C13orf42: variants seen among roughly 807,000 people sequenced by gnomAD.
The protein encoded by C13orf42 is uncharacterized protein C13orf42.
intron 1 of C13orf42, among the ~76,000 whole-genome samples, chr13:51,091,447 T>C (rs570365870): frequency 3.9e-5 from 6 of 152,268 alleles, no homozygotes; most frequent in African/African-American, 1.4e-4. Flanking sequence ...TGTAAGTGAA[T>C]AAACAAATTG....
chr13:51,168,641 A>G (rs1373540653), intron 1 of C13orf42, among the ~76,000 whole-genome samples: 2 of 152,226 alleles, frequency 1.3e-5, no homozygotes, highest in African/African-American at 2.4e-5. Flanking sequence ...CACCAATGAC[A>G]TGAAGCCATC....
chr13:51,118,921 G>C (rs1024053110), intron 1 of C13orf42, among the ~76,000 whole-genome samples: 1 of 152,032 alleles, frequency 6.6e-6, no homozygotes, highest in Non-Finnish European at 1.5e-5. Context: ...CAGGTGTACT[G>C]TGTGCCCAAG....
At chr13:51,142,760 T>C (rs1205609968) in intron 1 of C13orf42, among the ~76,000 whole-genome samples, 1 of 151,708 alleles carries the variant, frequency 6.6e-6, no homozygotes, top group Non-Finnish European at 1.5e-5. Flanking sequence ...AATAAAGAGG[T>C]AATTTTTTTA....
chr13:51,136,869 C>A (rs1953661672), intron 1 of C13orf42, among the ~76,000 whole-genome samples: 1 of 152,216 alleles, frequency 6.6e-6, no homozygotes, highest in South Asian at 2.1e-4. Context: ...ATGCCAAGCA[C>A]CGGGAATATA....
rs115108805 is a variant in C13orf42 at position 51,163,994 on chromosome 13, G to A, written n.136+8259C>T. Among the ~76,000 whole-genome samples the A allele has an allele frequency of 1.6e-3, 239 of 152,298 alleles. 1 individual carries two copies. Among genetic ancestry groups the A allele is most frequent in the African/African-American group, 5.2e-3 (216 of 41,570 alleles). On this transcript the variant is annotated intron_variant and non_coding_transcript_variant, in intron 1 of 4. Transcript: ENST00000433280. The stretch of plus-strand genomic sequence containing the variant: ...ATGGGATATAGGATGTCTAGAAAGT[G>A]TTGAGGACAGAAAAGCGTTGAAAGA...
chr13:51,091,999 GC>G (rs1953184984), intron 1 of C13orf42, among the ~76,000 whole-genome samples: 1 of 152,132 alleles, frequency 6.6e-6, no homozygotes, highest in Non-Finnish European at 1.5e-5. Flanking sequence ...TCCATCCCCT[GC>G]TGCTCTCTCC....
chr13:51,095,553 T>C (rs1173365373), intron 1 of C13orf42, among the ~76,000 whole-genome samples: 1 of 152,026 alleles, frequency 6.6e-6, no homozygotes, highest in African/African-American at 2.4e-5. Context: ...TTTTTAACTA[T>C]ATCTTCTTTT....
At chr13:51,159,525 A>G (rs1371842608) in intron 1 of C13orf42, among the ~76,000 whole-genome samples, 1 of 152,192 alleles carries the variant, frequency 6.6e-6, no homozygotes, top group Admixed American at 6.5e-5. Context: ...ATTAGAGTTG[A>G]ATTTTCGTTG....
intron 1 of C13orf42, among the ~76,000 whole-genome samples, chr13:51,162,826 C>T (rs959230636): frequency 6.6e-6 from 1 of 152,204 alleles, no homozygotes; most frequent in Non-Finnish European, 1.5e-5. Context: ...GACTTAATGC[C>T]TGGAGTGCTT....
At chr13:51,130,959 G>A (rs1006959492) in intron 1 of C13orf42, among the ~76,000 whole-genome samples, 3 of 151,908 alleles carry the variant, frequency 2.0e-5, no homozygotes, top group African/African-American at 7.3e-5. Flanking sequence ...TAAAGCCAAA[G>A]GTTTGAACAA....
intron 1 of C13orf42, among the ~76,000 whole-genome samples, chr13:51,093,270 C>T (rs1953199408): frequency 6.6e-6 from 1 of 152,144 alleles, no homozygotes; most frequent in Non-Finnish European, 1.5e-5. Context: ...TTGACTGACT[C>T]CTTCTTCTGG....
In C13orf42 at chr13:51,111,102, G is replaced by A; in HGVS notation, c.108C>T (p.Ser36=). The A allele has an allele frequency of 2.5e-6, 1 of 398,686 alleles. No individual in the cohort carries two copies. The highest frequency in any genetic ancestry group is 3.6e-5 in the East Asian group (1 of 28,078). 24.7% of individuals were successfully genotyped at this position (398,686 alleles called of 1,614,324 possible). A position where few individuals can be genotyped will look rare whatever the true frequency, so the allele number is the denominator to read the frequency against. ...GASPAVKLIR[S]SSMYVVGDHG... ...GGTCCCCGACCACATACATGGAACTGCTTCGAATCAGCTTCACTGCGGGGC... is the reference window on the plus strand; with the variant it reads ...GGTCCCCGACCACATACATGGAACTACTTCGAATCAGCTTCACTGCGGGGC... The change falls in exon 1 of 4, where the codon AGC becomes AGT. Residue 36 remains serine (S), a synonymous_variant. Transcript: ENST00000563710.
chr13:51,111,992 G>A (rs1311964918), upstream of C13orf42, among the ~76,000 whole-genome samples: 4 of 152,242 alleles, frequency 2.6e-5, no homozygotes, highest in Admixed American at 2.6e-4. Flanking sequence ...GTGAGCTGAA[G>A]GGTGGCCACA....
chr13:51,116,386 C>T (rs1484985349), intron 1 of C13orf42, among the ~76,000 whole-genome samples: 3 of 152,198 alleles, frequency 2.0e-5, no homozygotes, highest in African/African-American at 7.2e-5. Context: ...GCCAGTTCAA[C>T]AACTTTGGAT....
chr13:51,119,298 G>A (rs576154256), intron 1 of C13orf42, among the ~76,000 whole-genome samples: 1 of 152,202 alleles, frequency 6.6e-6, no homozygotes, highest in South Asian at 2.1e-4. Context: ...TGGGTGCACT[G>A]GGAACAGAGT....
upstream of C13orf42, among the ~76,000 whole-genome samples, chr13:51,111,960 G>A (rs1306928376): frequency 6.6e-6 from 1 of 152,196 alleles, no homozygotes; most frequent in Non-Finnish European, 1.5e-5. Context: ...TCCGGACCAC[G>A]ACTTTTTGCA....
At position 51,169,684 on chromosome 13, in the gene C13orf42, A is replaced by G. The variant is rs1158551093; in HGVS notation, n.136+2569T>C. 3.9e-5 allele frequency among the ~76,000 whole-genome samples: 6 copies of G among 152,348 alleles called. No homozygotes were observed. The East Asian group carries it at 1.2e-3, about 29-fold the overall frequency. On this transcript the variant is annotated intron_variant and non_coding_transcript_variant, in intron 1 of 4. Transcript: ENST00000433280. ...GGCTGCCCCAGCTCCAGCCATGGCTAAAAGGGGCCAAGGTATAGCTCAGGC... is the reference window on the plus strand; with the variant it reads ...GGCTGCCCCAGCTCCAGCCATGGCTGAAAGGGGCCAAGGTATAGCTCAGGC...
intron 1 of C13orf42, among the ~76,000 whole-genome samples, chr13:51,135,484 AT>A (rs1190123168): frequency 6.6e-6 from 1 of 151,132 alleles, no homozygotes; most frequent in African/African-American, 2.4e-5. Flanking sequence ...GATCCCATCT[AT>A]TTTTTTTAAT....
At chr13:51,159,141 C>T (rs1369261036) in intron 1 of C13orf42, among the ~76,000 whole-genome samples, 2 of 152,178 alleles carry the variant, frequency 1.3e-5, no homozygotes, top group African/African-American at 2.4e-5. Flanking sequence ...TCCCCACCAC[C>T]CCCACCAATC....
Sources: gnomAD v4.1 joint callset for allele counts (sites outside exome capture counted in the v4.1 genomes callset) on GRCh38, gnomAD v4.1.1 for gene constraint, MANE v1.5 for transcripts, NCBI Gene and HGNC (gene_info 2026-07-23, HGNC 2026-07-21) for gene names.